Variants in TBC1D4 observed in about 807,000 individuals in gnomAD.
TBC1D4 encodes TBC (Tre-2, BUB2, CDC16) domain-containing protein.
Under a neutral mutation model 142.5 loss-of-function variants are expected in TBC1D4, and 121 were observed. That is an observed-to-expected ratio of 0.85 (90% confidence interval 0.73 to 0.99). TBC1D4 has a LOEUF of 0.99. TBC1D4 is among the 50% of genes least tolerant of loss of function. The pLI is 0.00. For missense variants in TBC1D4, 1,475 were observed against 1,606.6 expected, an observed-to-expected ratio of 0.92 and a Z score of 1.40; for synonymous variants, 630 against 628.2, an observed-to-expected ratio of 1.00 and a Z score of -0.04.
At chr13:75,308,615 C>T (rs4142425) in intron 14 of TBC1D4, among the ~76,000 whole-genome samples, 69,273 of 151,950 alleles carry the variant, frequency 0.46, 16,233 homozygotes, top group South Asian at 0.65. Context: ...AAGTGAAATA[C>T]AGTTTCATGC....
intron 1 of TBC1D4, among the ~76,000 whole-genome samples, chr13:75,449,028 T>A (rs969165420): frequency 1.5e-5 from 2 of 132,094 alleles, no homozygotes; most frequent in African/African-American, 2.6e-5. Context: ...TGTATATGCA[T>A]TCACATATTT....
intron 1 of TBC1D4, among the ~76,000 whole-genome samples, chr13:75,456,187 A>G (rs1887729145): frequency 6.6e-6 from 1 of 152,210 alleles, no homozygotes; most frequent in Non-Finnish European, 1.5e-5. Context: ...AAAGAAAGCC[A>G]TAATATCTAT....
In TBC1D4 at chr13:75,423,722, C is replaced by T. The variant is rs9600471; in HGVS notation, c.498+57548G>A. Reference sequence around the variant, plus strand: ...TACTTTTCTGTTTAGTCTCCATTTTCAGCTCTTCCTAATATAGTTCCTATT... The same window carrying T: ...TACTTTTCTGTTTAGTCTCCATTTTTAGCTCTTCCTAATATAGTTCCTATT... On this transcript the variant is annotated intron_variant, in intron 1 of 20. Coordinates refer to ENST00000377636, the MANE Select transcript of TBC1D4 (RefSeq NM_014832.5). Among the ~76,000 whole-genome samples, 756 of 152,262 alleles carry T rather than the reference C, an allele frequency of 5.0e-3. 9 individuals carry two copies. Among genetic ancestry groups the T allele is most frequent in the African/African-American group, 0.016 (671 of 41,544 alleles).
At position 75,341,149 on chromosome 13, in the gene TBC1D4, G is replaced by GT; in HGVS notation, c.1586dup (p.His529GlnfsTer14). On this transcript the variant is annotated frameshift_variant, in exon 7 of 21. Coordinates refer to ENST00000377636, the MANE Select transcript of TBC1D4 (RefSeq NM_014832.5). LOFTEE classifies it high-confidence loss of function. ...CAGAAGGGCCTTCCCCGATGTGCAC[G>GT]TGTGTCTTCTGCTTGGCTTCACACA... The GT allele has an allele frequency of 6.2e-7, 1 of 1,613,170 alleles. No homozygotes were observed. The highest frequency in any genetic ancestry group is 8.5e-7 in the Non-Finnish European group (1 of 1,179,748).
chr13:75,363,788 CT>C (rs1301259149), intron 1 of TBC1D4, among the ~76,000 whole-genome samples: 1 of 152,202 alleles, frequency 6.6e-6, no homozygotes, highest in African/African-American at 2.4e-5. Flanking sequence ...TGGTTCACAA[CT>C]CTAAAACTGA....
intron 1 of TBC1D4, among the ~76,000 whole-genome samples, chr13:75,424,234 C>G (rs1886282835): frequency 6.9e-6 from 1 of 144,820 alleles, no homozygotes; most frequent in Non-Finnish European, 1.5e-5. Flanking sequence ...GATCATGCCA[C>G]TGCATTCCTG....
At chr13:75,310,187 C>G in intron 13 of TBC1D4, 36 bp from the exon 14 acceptor site, 1 of 1,591,990 alleles carries the variant, frequency 6.3e-7, no homozygotes, top group Non-Finnish European at 8.6e-7. Context: ...CATTCCTTAG[C>G]AGTAACCCAG....
chr13:75,323,771 G>T (rs2137996032), intron 11 of TBC1D4, among the ~76,000 whole-genome samples: 1 of 152,096 alleles, frequency 6.6e-6, no homozygotes, highest in African/African-American at 2.4e-5. Context: ...TCAAAGAAAT[G>T]CCTAGGAAAT....
At chr13:75,408,601 CTGAGT>C (rs1885450718) in intron 1 of TBC1D4, among the ~76,000 whole-genome samples, 1 of 152,150 alleles carries the variant, frequency 6.6e-6, no homozygotes. Flanking sequence ...AGTCGAACTG[CTGAGT>C]TAACTGGTAA....
intron 12 of TBC1D4, among the ~76,000 whole-genome samples, chr13:75,313,755 C>A (rs551053629): frequency 6.6e-6 from 1 of 152,112 alleles, no homozygotes; most frequent in Non-Finnish European, 1.5e-5. Flanking sequence ...CAAACTCCTG[C>A]ACTCAAGCAA....
At chr13:75,394,616 C>T (rs1344697840) in intron 1 of TBC1D4, among the ~76,000 whole-genome samples, 1 of 152,096 alleles carries the variant, frequency 6.6e-6, no homozygotes, top group Non-Finnish European at 1.5e-5. Flanking sequence ...AAATAGCAAA[C>T]ATAAATATAT....
At chr13:75,394,150 T>C (rs1200491851) in intron 1 of TBC1D4, among the ~76,000 whole-genome samples, 1 of 152,202 alleles carries the variant, frequency 6.6e-6, no homozygotes, top group Non-Finnish European at 1.5e-5. Flanking sequence ...TGTTGATTCT[T>C]ACAATTACCT....
chr13:75,381,905 G>A (rs1477244148), intron 1 of TBC1D4, among the ~76,000 whole-genome samples: 1 of 152,178 alleles, frequency 6.6e-6, no homozygotes, highest in Non-Finnish European at 1.5e-5. Flanking sequence ...AATCTATGGA[G>A]ATAGATGGGA....
At chr13:75,321,267 G>C (rs372487657) in intron 11 of TBC1D4, among the ~76,000 whole-genome samples, 2 of 152,018 alleles carry the variant, frequency 1.3e-5, no homozygotes, top group East Asian at 3.8e-4. Flanking sequence ...TCTAAAACAA[G>C]TGATAATGAG....
intron 1 of TBC1D4, among the ~76,000 whole-genome samples, chr13:75,388,368 T>C (rs749949507): frequency 8.5e-5 from 13 of 152,228 alleles, no homozygotes; most frequent in Non-Finnish European, 1.6e-4. Flanking sequence ...CAAATGCTTT[T>C]CCTCTACATG....
At chr13:75,382,011 G>C (rs923527814) in intron 1 of TBC1D4, among the ~76,000 whole-genome samples, 2 of 152,176 alleles carry the variant, frequency 1.3e-5, no homozygotes, top group African/African-American at 4.8e-5. Context: ...AACCCATTGA[G>C]GGAGGCTGAT....
At chr13:75,409,085 A>T (rs1477174076) in intron 1 of TBC1D4, among the ~76,000 whole-genome samples, 1 of 151,822 alleles carries the variant, frequency 6.6e-6, no homozygotes, top group East Asian at 1.9e-4. Flanking sequence ...ATAGTTTTTC[A>T]TAAAGAGTTA....
chr13:75,472,106 C>CAAAA (rs59823952), intron 1 of TBC1D4, among the ~76,000 whole-genome samples: 2 of 121,954 alleles, frequency 1.6e-5, no homozygotes, highest in African/African-American at 7.1e-5. Context: ...GACTCTGTCT[C>CAAAA]AAAAAAAAAA....
At chr13:75,391,032 CCACACACA>C (rs71127539) in intron 1 of TBC1D4, among the ~76,000 whole-genome samples, 14,773 of 136,650 alleles carry the variant, frequency 0.11, 828 homozygotes, top group Non-Finnish European at 0.13. Context: ...TATTCCCCCA[CCACACACA>C]CACACACACA....
Sources: allele counts gnomAD v4.1 joint callset (sites outside exome capture counted in the v4.1 genomes callset), GRCh38; gene constraint gnomAD v4.1.1; transcripts MANE v1.5; gene names NCBI Gene and HGNC (gene_info 2026-07-23, HGNC 2026-07-21).